Variants in DLST observed in about 807,000 individuals in gnomAD.
DLST encodes dihydrolipoamide S-succinyltransferase, also known as dihydrolipoyllysine-residue succinyltransferase component of 2-oxoglutarate dehydrogenase complex, mitochondrial.
Under a neutral mutation model 53.1 loss-of-function variants are expected in DLST, and 17 were observed. The observed-to-expected ratio is 0.32, with a 90% confidence interval of 0.22 to 0.48. The LOEUF is 0.48. Ranked by LOEUF, DLST falls within the 20% of genes least tolerant of loss-of-function variation. DLST has a pLI of 0.99. For synonymous variants in DLST, 206 were observed against 204.8 expected, an observed-to-expected ratio of 1.01 and a Z score of -0.05; for missense variants, 512 against 583.9, an observed-to-expected ratio of 0.88 and a Z score of 1.27.
chr14:74,895,096 G>A (rs1452083762), intron 10 of DLST, among the ~76,000 whole-genome samples: 1 of 152,116 alleles, frequency 6.6e-6, no homozygotes, highest in African/African-American at 2.4e-5. Flanking sequence ...GTGTGGTGGT[G>A]CACATCTGTA....
chr14:74,882,154 G>A (rs1883541087), intron 1 of DLST, 138 bp downstream of exon 1: 1 of 711,274 alleles, frequency 1.4e-6, no homozygotes, highest in Non-Finnish European at 1.9e-6. Flanking sequence ...GCGCGGGCTG[G>A]GCGGCCCGGG....
At chr14:74,894,691 G>A (rs550994083) in intron 10 of DLST, among the ~76,000 whole-genome samples, 8 of 152,002 alleles carry the variant, frequency 5.3e-5, no homozygotes, top group Non-Finnish European at 1.2e-4. Flanking sequence ...GAATACAGGC[G>A]CCCCCCACCA....
intron 13 of DLST, 83 bp downstream of exon 13, chr14:74,900,455 C>A: frequency 1.5e-6 from 2 of 1,295,272 alleles, no homozygotes; most frequent in Admixed American, 1.7e-5. Context: ...GCAAGCAGTG[C>A]TCATGGAAAG....
chr14:74,889,851 G>GCTCCCC, intron 5 of DLST, 46 bp from the exon 6 acceptor site: 1 of 1,604,662 alleles, frequency 6.2e-7, no homozygotes, highest in Non-Finnish European at 8.5e-7. Flanking sequence ...GCTACTGGAG[G>GCTCCCC]CTCCCCGCTA....
chr14:74,894,462 G>T (rs746704411), intron 10 of DLST, 53 bp downstream of exon 10: 1 of 1,579,760 alleles, frequency 6.3e-7, no homozygotes, highest in South Asian at 1.1e-5. Flanking sequence ...TAGAGAACAC[G>T]AACTTGCCCC....
At chr14:74,894,223 C>T (rs779627404) in intron 9 of DLST, 89 bp from the exon 10 acceptor site, 7 of 1,499,232 alleles carry the variant, frequency 4.7e-6, no homozygotes, top group Admixed American at 3.7e-5. Context: ...GCCATCTACT[C>T]GTGGCAAGCC....
At chr14:74,893,566 C>G (rs1883981361) in intron 9 of DLST, 142 bp downstream of exon 9, 2 of 835,858 alleles carry the variant, frequency 2.4e-6, no homozygotes, top group South Asian at 3.2e-5. Flanking sequence ...GATATAACTT[C>G]TTCATAGTCA....
At chr14:74,896,750 T>C (rs1158574077) in intron 10 of DLST, among the ~76,000 whole-genome samples, 4 of 152,258 alleles carry the variant, frequency 2.6e-5, no homozygotes, top group Non-Finnish European at 5.9e-5. Context: ...ACAAATTGAA[T>C]TGGACTTTGA....
At position 74,881,943 on chromosome 14, in the gene DLST, C is replaced by T. The variant is rs28364622; in HGVS notation, c.-11C>T. 3.9e-5 allele frequency: 60 copies of T among 1,545,186 alleles called. No homozygotes were observed. The East Asian group carries it at 1.2e-3, about 32-fold the overall frequency. On this transcript the variant is annotated 5_prime_UTR_variant, in exon 1 of 15. Coordinates refer to ENST00000334220, the MANE Select transcript of DLST (RefSeq NM_001933.5). Reference sequence around the variant, plus strand: ...ATCCGGTGTCCGCCCGCCCTCGGCTCCTCCGCCGTGATGCTGTCCCGATCC... The same window carrying T: ...ATCCGGTGTCCGCCCGCCCTCGGCTTCTCCGCCGTGATGCTGTCCCGATCC...
At position 74,900,357 on chromosome 14, in the gene DLST, T is replaced by C. The variant is rs992938517; in HGVS notation, c.1044T>C (p.Thr348=). The part of the protein sequence containing the change: ...MNFADIERTI[T]ELGEKARKNE... ...TTGCAGATATTGAACGGACCATCACTGAACTGGGAGAGAAGGTAAAGTAGA... is the reference window on the plus strand; with the variant it reads ...TTGCAGATATTGAACGGACCATCACCGAACTGGGAGAGAAGGTAAAGTAGA... The change falls in exon 13 of 15, where the codon ACT becomes ACC. Residue 348 remains threonine (T), a synonymous_variant. Coordinates refer to ENST00000334220, the MANE Select transcript of DLST (RefSeq NM_001933.5). 4.3e-6 allele frequency: 7 copies of C among 1,613,716 alleles called. No individual in the cohort carries two copies. Among genetic ancestry groups the C allele is most frequent in the East Asian group, 2.2e-5 (1 of 44,898 alleles).
intron 12 of DLST, 58 bp downstream of exon 12, chr14:74,900,054 AAGG>A: frequency 1.5e-6 from 2 of 1,369,402 alleles, no homozygotes; most frequent in Non-Finnish European, 2.1e-6. Context: ...TATCTGTGTG[AAGG>A]AGATCACACA....
chr14:74,885,483 C>T (rs1883670239), intron 2 of DLST, 103 bp from the exon 3 acceptor site: 1 of 1,168,646 alleles, frequency 8.6e-7, no homozygotes, highest in South Asian at 1.2e-5. Flanking sequence ...GCCGTTGATC[C>T]TGCTCTGTCT....
chr14:74,900,616 T>C (rs1884214823), intron 13 of DLST, among the ~76,000 whole-genome samples: 1 of 152,266 alleles, frequency 6.6e-6, no homozygotes, highest in South Asian at 2.1e-4. Context: ...TGTATGAAAT[T>C]GTGCCTTTTC....
At chr14:74,897,477 A>G (rs116830699) in intron 10 of DLST, among the ~76,000 whole-genome samples, 4,223 of 152,258 alleles carry the variant, frequency 0.028, 142 homozygotes, top group African/African-American at 0.073. Context: ...TAACTCTGCA[A>G]TGTGTCATTG....
At position 74,890,884 on chromosome 14, in the gene DLST, G is replaced by A. The variant is rs1368655990; in HGVS notation, c.331-172G>A. Among the ~76,000 whole-genome samples, 20 of 152,146 alleles carry A rather than the reference G, an allele frequency of 1.3e-4. 1 individual carries two copies. The highest frequency in any genetic ancestry group is 1.3e-3 in the Admixed American group (20 of 15,272). On this transcript the variant is annotated intron_variant, in intron 6 of 14. Transcript: ENST00000334220. ...GTAGAGATGGGGTTTCACCATGTTGGCCAGGCTGGTCTTGAACTCCTGACC... is the reference window on the plus strand; with the variant it reads ...GTAGAGATGGGGTTTCACCATGTTGACCAGGCTGGTCTTGAACTCCTGACC...
intron 2 of DLST, among the ~76,000 whole-genome samples, chr14:74,883,684 A>C (rs1383646904): frequency 6.6e-6 from 1 of 152,176 alleles, no homozygotes; most frequent in African/African-American, 2.4e-5. Context: ...AAACAGTAAA[A>C]AGTATTTTCT....
At position 74,896,908 on chromosome 14, in the gene DLST, G is replaced by A. The variant is rs1209825801; in HGVS notation, c.771-1461G>A. ...AAGGTGTCACTTAACAATGGCCTGCGGTCTTGCTGCAGCCTAATTTGGTTT... is the reference window on the plus strand; with the variant it reads ...AAGGTGTCACTTAACAATGGCCTGCAGTCTTGCTGCAGCCTAATTTGGTTT... On this transcript the variant is annotated intron_variant, in intron 10 of 14. Transcript: ENST00000334220. Among the ~76,000 whole-genome samples the A allele has an allele frequency of 2.0e-5, 3 of 152,272 alleles. No homozygotes were observed. The East Asian group carries it at 5.8e-4, about 29-fold the overall frequency.
At chr14:74,894,501 T>G (rs1354597820) in intron 10 of DLST, 92 bp downstream of exon 10, 1 of 1,291,036 alleles carries the variant, frequency 7.7e-7, no homozygotes, top group African/African-American at 1.5e-5. Flanking sequence ...ATTCTAAAAC[T>G]AACTTGTCAG....
intron 2 of DLST, among the ~76,000 whole-genome samples, chr14:74,883,032 C>T (rs1883583308): frequency 6.6e-6 from 1 of 152,242 alleles, no homozygotes; most frequent in African/African-American, 2.4e-5. Flanking sequence ...CGGTGGCTGA[C>T]GCCTGTAATC....
Sources: allele counts gnomAD v4.1 joint callset (sites outside exome capture counted in the v4.1 genomes callset), GRCh38; gene constraint gnomAD v4.1.1; transcripts MANE v1.5; gene names NCBI Gene and HGNC (gene_info 2026-07-23, HGNC 2026-07-21).